The following CFAP206 variants were observed in gnomAD, a reference collection of about 807,000 sequenced individuals.
The protein encoded by CFAP206 is cilia and flagella associated protein 206, also known as cilia- and flagella-associated protein 206.
CFAP206 carries 53 observed loss-of-function variants against 65.4 expected under a neutral mutation model. The observed-to-expected ratio is 0.81, with a 90% CI of 0.65 to 1.02. The LOEUF is 1.02. Ranked by LOEUF, CFAP206 falls within the 50% of genes least tolerant of loss-of-function variation. The pLI is 0.00. For synonymous variants in CFAP206, 250 were observed against 254.4 expected (o/e 0.98, Z 0.17); for missense variants, 663 against 753.2 (o/e 0.88, Z 1.40).
At chr6:87,456,342 C>CA (rs1366043227) in intron 11 of CFAP206, among the ~76,000 whole-genome samples, 1 of 151,906 alleles carries the variant, frequency 6.6e-6, no homozygotes, top group Non-Finnish European at 1.5e-5. Flanking sequence ...TAAAAAACCT[C>CA]AAAAAAACTG....
chr6:87,418,515 C>A, intron 7 of CFAP206, 99 bp downstream of exon 7: 1 of 946,290 alleles, frequency 1.1e-6, no homozygotes, highest in Non-Finnish European at 1.7e-6. Flanking sequence ...AGGAGAAAAC[C>A]TCAGTAACTG....
chr6:87,415,943 T>C, intron 5 of CFAP206, 69 bp downstream of exon 5: 1 of 1,174,350 alleles, frequency 8.5e-7, no homozygotes, highest in Non-Finnish European at 1.1e-6. Context: ...TAAAACATGT[T>C]AAATTAGAAG....
In CFAP206 at chr6:87,416,819, T is replaced by C. The variant is rs1254056718; in HGVS notation, c.623T>C (p.Ile208Thr). Residue 208 changes from isoleucine to threonine, a missense_variant, in exon 6 of 13, where the codon ATT (isoleucine) becomes ACT (threonine). Coordinates refer to ENST00000369562, the MANE Select transcript of CFAP206 (RefSeq NM_001031743.3). Reference protein sequence around the residue: ...NRDCGKGGEGIDDLPAVLHVA... With the variant: ...NRDCGKGGEGTDDLPAVLHVA... ...GACTGTGGAAAAGGAGGAGAAGGCA[T>C]TGATGATTGTAGGTATATCATTAGA... The C allele has an allele frequency of 6.2e-7, 1 of 1,613,210 alleles. No homozygotes were observed. The highest frequency in any genetic ancestry group is 8.5e-7 in the Non-Finnish European group (1 of 1,179,500).
chr6:87,423,138 C>T (rs1343144360), intron 7 of CFAP206, among the ~76,000 whole-genome samples: 5 of 152,104 alleles, frequency 3.3e-5, no homozygotes, highest in East Asian at 3.9e-4. Flanking sequence ...AGCCTGGTCT[C>T]GAACTCCTGG....
intron 6 of CFAP206, among the ~76,000 whole-genome samples, chr6:87,417,851 G>C (rs1767861196): frequency 6.6e-6 from 1 of 151,274 alleles, no homozygotes; most frequent in South Asian, 2.1e-4. Flanking sequence ...CGCCTCCCGG[G>C]TTCAAGTGAT....
At chr6:87,457,693 A>G (rs945696230) in intron 11 of CFAP206, among the ~76,000 whole-genome samples, 5 of 152,262 alleles carry the variant, frequency 3.3e-5, no homozygotes, top group Admixed American at 6.5e-5. Flanking sequence ...CTTAAATCTG[A>G]GACCTCAAAC....
At position 87,430,410 on chromosome 6, in the gene CFAP206, C is replaced by A. The variant is rs376641192; in HGVS notation, c.1160-623C>A. ...TATCAAATGTAAATAGGTAAGCTAA[C>A]CAACATAGGAAGAATTTTTAAAAAT... On this transcript the variant is annotated intron_variant, in intron 9 of 12. Transcript: ENST00000369562. Among the ~76,000 whole-genome samples, 10 of 151,996 alleles carry A rather than the reference C, an allele frequency of 6.6e-5. No homozygotes were observed. In the East Asian group the frequency reaches 1.9e-3, roughly 29 times the overall value.
chr6:87,429,153 C>T (rs915425651), intron 9 of CFAP206, among the ~76,000 whole-genome samples: 4 of 150,188 alleles, frequency 2.7e-5, no homozygotes, highest in African/African-American at 4.9e-5. Context: ...TTGAACCTAG[C>T]GGGTCAGAGG....
intron 11 of CFAP206, among the ~76,000 whole-genome samples, chr6:87,459,837 A>C (rs914283088): frequency 3.3e-5 from 5 of 152,184 alleles, no homozygotes; most frequent in Admixed American, 1.3e-4. Context: ...TTTTCCACTA[A>C]AGCATAATTT....
At chr6:87,437,140 T>G (rs529114284) in intron 11 of CFAP206, among the ~76,000 whole-genome samples, 3 of 152,294 alleles carry the variant, frequency 2.0e-5, no homozygotes, top group Non-Finnish European at 4.4e-5. Flanking sequence ...TGGCTAATTT[T>G]TGTATTTTTA....
At chr6:87,431,691 G>A (rs554893515) in intron 10 of CFAP206, among the ~76,000 whole-genome samples, 2 of 152,234 alleles carry the variant, frequency 1.3e-5, no homozygotes, top group South Asian at 2.1e-4. Flanking sequence ...ACTTGAACCC[G>A]GGAGGCAGAG....
intron 4 of CFAP206, 35 bp downstream of exon 4, chr6:87,413,935 T>A: frequency 2.8e-6 from 3 of 1,078,676 alleles, no homozygotes; most frequent in Non-Finnish European, 3.9e-6. Flanking sequence ...ACTTAAAAAA[T>A]TTCATACTGT....
chr6:87,438,523 A>T (rs1582144274), intron 11 of CFAP206, among the ~76,000 whole-genome samples: 1 of 150,860 alleles, frequency 6.6e-6, no homozygotes, highest in African/African-American at 2.4e-5. Context: ...TGCTGGGCAG[A>T]TGTCATCACA....
intron 11 of CFAP206, among the ~76,000 whole-genome samples, chr6:87,443,760 C>T (rs189519245): frequency 5.9e-4 from 90 of 152,168 alleles, no homozygotes; most frequent in Middle Eastern, 3.4e-3. Context: ...AGTTTTTCAG[C>T]CCTTGCCCTC....
At chr6:87,427,084 C>A (rs538272038) in intron 8 of CFAP206, among the ~76,000 whole-genome samples, 41 of 152,266 alleles carry the variant, frequency 2.7e-4, no homozygotes, top group Admixed American at 2.4e-3. Flanking sequence ...ACAAACCTGG[C>A]AAACCTTATC....
At chr6:87,412,685 GTC>G (rs1767755684) in intron 3 of CFAP206, among the ~76,000 whole-genome samples, 1 of 151,844 alleles carries the variant, frequency 6.6e-6, no homozygotes. Flanking sequence ...TTGAGACAGA[GTC>G]TCGCTCTGTC....
Position 87,410,680 on chromosome 6 carries a change from A to G in CFAP206, c.192+12A>G. On this transcript the variant is annotated intron_variant, in intron 3 of 12. Coordinates refer to ENST00000369562, the MANE Select transcript of CFAP206 (RefSeq NM_001031743.3). ...AGAATCTTGTTAAGGTGATTACCCAACAGTCCTCAAATTTGCAATTACTTA... is the reference window on the plus strand; with the variant it reads ...AGAATCTTGTTAAGGTGATTACCCAGCAGTCCTCAAATTTGCAATTACTTA... 6.2e-7 allele frequency: 1 copy of G among 1,604,842 alleles called. No individual in the cohort carries two copies. Among genetic ancestry groups the G allele is most frequent in the Non-Finnish European group, 8.5e-7 (1 of 1,172,210 alleles).
Position 87,409,883 on chromosome 6 carries a change from G to A in CFAP206, c.44G>A (p.Arg15Gln), listed in dbSNP as rs774204452. 5.6e-6 allele frequency: 9 copies of A among 1,613,318 alleles called. No homozygotes were observed. The Admixed American group carries it at 1.2e-4, about 21-fold the overall frequency. Reference protein sequence around the residue: ...QAESVIRSIIREIGQECAAHG... With the variant: ...QAESVIRSIIQEIGQECAAHG... ...GAAAGTGTTATAAGGAGTATTATAC[G>A]AGAAATAGGACAAGAATGTGCAGCC... Residue 15 changes from arginine (R) to glutamine (Q), a missense_variant, in exon 2 of 13, where the codon CGA (arginine) becomes CAA (glutamine). Arg to Gln is a conservative substitution (Grantham distance 43). Transcript: ENST00000369562.
intron 8 of CFAP206, among the ~76,000 whole-genome samples, chr6:87,427,304 A>AT (rs912240778): frequency 3.3e-5 from 5 of 151,698 alleles, no homozygotes; most frequent in South Asian, 4.2e-4. Flanking sequence ...TGCCCAGCTA[A>AT]TTTTTTTTGC....
Sources: gnomAD v4.1 joint callset for allele counts (sites outside exome capture counted in the v4.1 genomes callset) on GRCh38, gnomAD v4.1.1 for gene constraint, MANE v1.5 for transcripts, NCBI Gene and HGNC (gene_info 2026-07-23, HGNC 2026-07-21) for gene names.